Variants in CCDC73 observed in about 807,000 individuals in gnomAD.
CCDC73 encodes coiled-coil domain containing 73.
Under a neutral mutation model 116.5 loss-of-function variants are expected in CCDC73, and 95 were observed. The observed-to-expected ratio is 0.82, with a 90% CI of 0.69 to 0.97. CCDC73 has a LOEUF of 0.97. Ranked by LOEUF, CCDC73 falls within the 50% of genes least tolerant of loss-of-function variation. The pLI is 0.00. For synonymous variants in CCDC73, 398 were observed against 401.3 expected (o/e 0.99, Z 0.10); for missense variants, 1,066 against 1,206.8 (o/e 0.88, Z 1.73).
chr11:32,765,392 G>A (rs1468535243), intron 1 of CCDC73, among the ~76,000 whole-genome samples: 1 of 96,602 alleles, frequency 1.0e-5, no homozygotes, highest in East Asian at 7.0e-4. Flanking sequence ...AAATGTAAAA[G>A]AACAAATTAT....
rs950070856 is a variant in CCDC73 at position 32,694,248 on chromosome 11, A to G, written c.390+5003T>C. On this transcript the variant is annotated intron_variant, in intron 6 of 17. Transcript: ENST00000335185. Reference sequence around the variant, plus strand: ...GATACAAAATCAATGTGCAAAAATCACAAGCATTCCTATACACCAATAACA... The same window carrying G: ...GATACAAAATCAATGTGCAAAAATCGCAAGCATTCCTATACACCAATAACA... 6.6e-5 allele frequency among the ~76,000 whole-genome samples: 10 copies of G among 152,328 alleles called. No individual in the cohort carries two copies. In the East Asian group the frequency reaches 1.5e-3, roughly 23 times the overall value.
chr11:32,617,575 A>G (rs1248080582), intron 14 of CCDC73, among the ~76,000 whole-genome samples: 1 of 152,204 alleles, frequency 6.6e-6, no homozygotes, highest in East Asian at 1.9e-4. Context: ...AGTCCAGGTG[A>G]TATCAGTAAA....
At chr11:32,652,416 A>G (rs1392351584) in intron 12 of CCDC73, among the ~76,000 whole-genome samples, 1 of 152,228 alleles carries the variant, frequency 6.6e-6, no homozygotes, top group Non-Finnish European at 1.5e-5. Context: ...TGGTAACACT[A>G]GAGTGGACCT....
chr11:32,667,834 T>G (rs993466132), intron 9 of CCDC73, among the ~76,000 whole-genome samples: 12 of 152,172 alleles, frequency 7.9e-5, no homozygotes, highest in African/African-American at 2.9e-4. Context: ...TTTTAATAAA[T>G]ATATTATTCC....
In CCDC73 at chr11:32,779,263, C is replaced by CAAAA. The variant is rs34184527; in HGVS notation, c.-16+15346_-16+15349dup. Among the ~76,000 whole-genome samples the CAAAA allele has an allele frequency of 9.6e-3, 1,051 of 109,982 alleles. 16 individuals carry two copies. Among genetic ancestry groups the CAAAA allele is most frequent in the African/African-American group, 0.035 (997 of 28,846 alleles). The allele number at this position is 109,982 out of a possible 152,430, so 72.2% of individuals were successfully genotyped here. ...TTTCCAATTATGCCTTCATGTGGGG[C>CAAAA]AAAAAAAAAAAAAAAAAAAGGAGGA... On this transcript the variant is annotated intron_variant, in intron 1 of 17. Transcript: ENST00000335185.
At chr11:32,653,706 G>A (rs1440900609) in intron 11 of CCDC73, among the ~76,000 whole-genome samples, 2 of 152,078 alleles carry the variant, frequency 1.3e-5, no homozygotes, top group African/African-American at 2.4e-5. Context: ...AGACTCAAAT[G>A]AGAGTATAAT....
rs1383498815 is a variant in CCDC73, at chr11:32,613,686, C to T, written c.2632G>A (p.Val878Ile). The change falls in exon 16 of 18, where the codon GTA (valine) becomes ATA (isoleucine). Residue 878 changes from valine to isoleucine, a missense_variant. Val to Ile is a conservative substitution (Grantham distance 29, BLOSUM62 3). Transcript: ENST00000335185. Reference sequence around the variant, plus strand: ...AAGGTTGACCTTCCGCTTCTGTTTACTAAATCTCCAGATGGCTCTATGTGA... The same window carrying T: ...AAGGTTGACCTTCCGCTTCTGTTTATTAAATCTCCAGATGGCTCTATGTGA... The part of the protein sequence containing the change: ...SFHIEPSGDL[V>I]NRSGRSTFDL... 3.7e-6 allele frequency: 6 copies of T among 1,614,104 alleles called. No homozygotes were observed. Among genetic ancestry groups the T allele is most frequent in the Non-Finnish European group, 5.1e-6 (6 of 1,179,998 alleles).
At position 32,614,948 on chromosome 11, in the gene CCDC73, A is replaced by G. The variant is rs369220962; in HGVS notation, c.1376-6T>C. ...TTTTTCAAAAAGCTGTAAATCTGTC[A>G]TGATGGGAACACAGTAAAATTTTAT... On this transcript the variant is annotated splice_region_variant and splice_polypyrimidine_tract_variant and intron_variant, in intron 15 of 17. Transcript: ENST00000335185. 2.4e-5 allele frequency: 38 copies of G among 1,576,656 alleles called. No homozygotes were observed. The highest frequency in any genetic ancestry group is 3.3e-5 in the Non-Finnish European group (38 of 1,160,846).
intron 5 of CCDC73, 82 bp from the exon 6 acceptor site, chr11:32,699,407 T>C: frequency 7.6e-7 from 1 of 1,317,496 alleles, no homozygotes. Context: ...CAAGAACCCT[T>C]TAAGTAAAAA....
intron 2 of CCDC73, among the ~76,000 whole-genome samples, chr11:32,725,210 T>C (rs114234563): frequency 0.048 from 7,272 of 152,110 alleles, 192 homozygotes; most frequent in African/African-American, 0.064. Flanking sequence ...TGTCCAAAAA[T>C]AGGTTAATAT....
At chr11:32,749,334 A>G (rs1045240674) in intron 2 of CCDC73, among the ~76,000 whole-genome samples, 6 of 151,890 alleles carry the variant, frequency 4.0e-5, no homozygotes, top group African/African-American at 9.7e-5. Flanking sequence ...TCAGTATGTC[A>G]ATTGCATTTT....
chr11:32,751,553 G>T (rs72897154), intron 2 of CCDC73, among the ~76,000 whole-genome samples: 1 of 152,170 alleles, frequency 6.6e-6, no homozygotes, highest in Non-Finnish European at 1.5e-5. Flanking sequence ...CATAGACACC[G>T]GCTGGGTTCC....
At chr11:32,647,800 G>A (rs962704157) in intron 12 of CCDC73, among the ~76,000 whole-genome samples, 6 of 148,302 alleles carry the variant, frequency 4.0e-5, no homozygotes, top group East Asian at 4.0e-4. Context: ...TATCATACTC[G>A]TAGTAGTAAA....
chr11:32,830,390 G>T, the CCDC73 span: 3 of 949,200 alleles, frequency 3.2e-6, no homozygotes, highest in Non-Finnish European at 4.2e-6. Flanking sequence ...GAAACCGCGC[G>T]CCGGGCGCTC....
rs191993752 is a variant in CCDC73 at position 32,666,492 on chromosome 11, C to T, written c.645+9073G>A. ...TGCATTCGTCATGTAGTTCTCGTGC[C>T]GTGGTTTTCAGCTCCATCAGGTCAT... On this transcript the variant is annotated intron_variant, in intron 9 of 17. Transcript: ENST00000335185. Among the ~76,000 whole-genome samples the T allele has an allele frequency of 3.3e-3, 498 of 152,256 alleles. 9 individuals are homozygous for T. The highest frequency in any genetic ancestry group is 0.023 in the Admixed American group (352 of 15,296).
chr11:32,658,288 C>T (rs570084783), intron 9 of CCDC73, among the ~76,000 whole-genome samples: 4 of 152,246 alleles, frequency 2.6e-5, no homozygotes, highest in South Asian at 2.1e-4. Flanking sequence ...ACCATTCCAC[C>T]GTGCCACCTC....
At chr11:32,637,145 G>A (rs921599713) in intron 13 of CCDC73, among the ~76,000 whole-genome samples, 9 of 146,122 alleles carry the variant, frequency 6.2e-5, no homozygotes, top group African/African-American at 2.0e-4. Context: ...TCAGCCTCCC[G>A]AACAGCTGGG....
At chr11:32,816,285 T>C in the CCDC73 span, among the ~76,000 whole-genome samples, 1 of 152,166 alleles carries the variant, frequency 6.6e-6, no homozygotes, top group Non-Finnish European at 1.5e-5. Context: ...ACCATGGAAA[T>C]GATCACAATT....
In CCDC73 at chr11:32,614,178, C is replaced by A; in HGVS notation, c.2140G>T (p.Ala714Ser). Residue 714 changes from alanine to serine, a missense_variant, in exon 16 of 18, where the codon GCT becomes TCT. By Grantham distance (99) the Ala-to-Ser change is moderately conservative. Coordinates refer to ENST00000335185, the MANE Select transcript of CCDC73 (RefSeq NM_001008391.4). ...AGTAGTTTTGAATTAGCACTAAAAG[C>A]AGCATATGAAACATGGTGGTCGATT... ...IVIDHHVSYA[A>S]FSANSKLLLK... 1 of 1,613,842 alleles carries A rather than the reference C, an allele frequency of 6.2e-7. No homozygotes were observed. The highest frequency in any genetic ancestry group is 8.5e-7 in the Non-Finnish European group (1 of 1,179,866).
Sources: gnomAD v4.1 joint callset for allele counts (sites outside exome capture counted in the v4.1 genomes callset) on GRCh38, gnomAD v4.1.1 for gene constraint, MANE v1.5 for transcripts, NCBI Gene and HGNC (gene_info 2026-07-23, HGNC 2026-07-21) for gene names.